Variants in ITFG1 observed in about 807,000 individuals in gnomAD.
The protein encoded by ITFG1 is integrin alpha FG-GAP repeat containing 1.
ITFG1 carries 34 observed loss-of-function variants against 81.8 expected under a neutral mutation model. The observed-to-expected ratio is 0.42, with a 90% confidence interval of 0.32 to 0.55. The LOEUF (loss-of-function observed/expected upper bound fraction) is 0.55, where lower values mean the gene tolerates loss of function less well. Ranked by LOEUF, ITFG1 falls within the 20% of genes least tolerant of loss-of-function variation. The pLI is 0.17. For synonymous variants in ITFG1, 285 were observed against 270.6 expected (o/e 1.05, Z -0.52); for missense variants, 672 against 755.4 (o/e 0.89, Z 1.29).
chr16:47,273,844 A>G (rs187542919), intron 10 of ITFG1, among the ~76,000 whole-genome samples: 4 of 152,238 alleles, frequency 2.6e-5, no homozygotes, highest in African/African-American at 9.6e-5. Context: ...TCTGTTGCCC[A>G]GGCTGGAGTG....
At chr16:47,255,831 G>A (rs995726906) in intron 12 of ITFG1, among the ~76,000 whole-genome samples, 37 of 152,180 alleles carry the variant, frequency 2.4e-4, no homozygotes, top group African/African-American at 8.4e-4. Flanking sequence ...CTAGATTTCA[G>A]AGTGCTTGCC....
chr16:47,337,823 C>G (rs1359060171), intron 8 of ITFG1, among the ~76,000 whole-genome samples: 1 of 152,230 alleles, frequency 6.6e-6, no homozygotes, highest in Non-Finnish European at 1.5e-5. Flanking sequence ...AGAAAGGGAC[C>G]TGAGAAGACC....
chr16:47,372,001 C>T (rs912134112), intron 7 of ITFG1, among the ~76,000 whole-genome samples: 1 of 151,430 alleles, frequency 6.6e-6, no homozygotes, highest in Non-Finnish European at 1.5e-5. Flanking sequence ...GCAAGCTCCA[C>T]CTCCCAGGTT....
rs996286962 is a variant in ITFG1, at chr16:47,320,963, GA to G, written c.803-7141del. On this transcript the variant is annotated intron_variant, in intron 8 of 17. Coordinates refer to ENST00000320640, the MANE Select transcript of ITFG1 (RefSeq NM_030790.5). The stretch of plus-strand genomic sequence containing the variant: ...TGACAAATGTTGCTCCATAGATGGT[GA>G]AAAAAAATTGTAAATGGAATGGCTA... 4.6e-5 allele frequency among the ~76,000 whole-genome samples: 7 copies of G among 151,936 alleles called. No individual in the cohort carries two copies. The East Asian group carries it at 7.7e-4, about 17-fold the overall frequency.
rs35365269 is a variant in ITFG1 at position 47,249,732 on chromosome 16, GT to G, written c.1330+8899del. On this transcript the variant is annotated intron_variant, in intron 12 of 17. Coordinates refer to ENST00000320640, the MANE Select transcript of ITFG1 (RefSeq NM_030790.5). ...AATGCTTAGGATTTTATCATTTCATGTTAAACCATACTGTATGTTACAGTCC... is the reference window on the plus strand; with the variant it reads ...AATGCTTAGGATTTTATCATTTCATGTAAACCATACTGTATGTTACAGTCC... Among the ~76,000 whole-genome samples the G allele has an allele frequency of 7.5e-3, 1,140 of 152,250 alleles. 19 individuals are homozygous for G. Among genetic ancestry groups the G allele is most frequent in the African/African-American group, 0.026 (1,081 of 41,536 alleles).
chr16:47,356,592 G>C (rs1968043074), intron 8 of ITFG1, among the ~76,000 whole-genome samples: 1 of 152,124 alleles, frequency 6.6e-6, no homozygotes, highest in South Asian at 2.1e-4. Flanking sequence ...AGTAGTAAAG[G>C]GCACTTTCAT....
chr16:47,315,775 A>ATATATATATATATATATATATATG lies in ITFG1; in HGVS notation c.803-1953_803-1952insCATATATATATATATATATATATA, dbSNP rs200525858. Among the ~76,000 whole-genome samples the ATATATATATATATATATATATATG allele has an allele frequency of 1.6e-3, 242 of 151,352 alleles. 3 individuals carry two copies. The highest frequency in any genetic ancestry group is 5.5e-3 in the African/African-American group (226 of 40,800). On this transcript the variant is annotated intron_variant, in intron 8 of 17. Coordinates refer to ENST00000320640, the MANE Select transcript of ITFG1 (RefSeq NM_030790.5). ...TTGTGCTATTCTAAATGCCATATAT[A>ATATATATATATATATATATATATG]TATACACATATATATAATTTATTAT... is the stretch of plus-strand genomic sequence containing the variant.
chr16:47,379,703 A>G (rs1407147597), intron 6 of ITFG1, among the ~76,000 whole-genome samples: 1 of 151,772 alleles, frequency 6.6e-6, no homozygotes, highest in Non-Finnish European at 1.5e-5. Context: ...AAAAAAAAAA[A>G]AGAGATTCTG....
intron 6 of ITFG1, among the ~76,000 whole-genome samples, chr16:47,399,250 C>T (rs1335547989): frequency 6.6e-6 from 1 of 152,216 alleles, no homozygotes; most frequent in Non-Finnish European, 1.5e-5. Flanking sequence ...AGGAGACACA[C>T]CTTTGTAGAC....
chr16:47,202,291 C>T (rs1305064153), intron 14 of ITFG1: 1 of 152,116 alleles, frequency 6.6e-6, no homozygotes, highest in Non-Finnish European at 1.5e-5. Context: ...ATTTAATACA[C>T]TCAAGTAGTT....
chr16:47,160,709 A>G (rs1964790322), intron 16 of ITFG1, among the ~76,000 whole-genome samples: 1 of 152,144 alleles, frequency 6.6e-6, no homozygotes, highest in South Asian at 2.1e-4. Context: ...TTACCATAAA[A>G]TGCATCTGCT....
chr16:47,448,338 T>A (rs1969347064), intron 5 of ITFG1: 1 of 152,216 alleles, frequency 6.6e-6, no homozygotes, highest in African/African-American at 2.4e-5. Context: ...TGCAGATTTA[T>A]TTCTTCTGGA....
At chr16:47,155,929 G>A (rs1174524313) in intron 17 of ITFG1, 151 bp from the exon 18 acceptor site, 2 of 504,120 alleles carry the variant, frequency 4.0e-6, no homozygotes, top group Non-Finnish European at 7.0e-6. Context: ...TAGTATTTTT[G>A]TAGTTTATAG....
intron 10 of ITFG1, among the ~76,000 whole-genome samples, chr16:47,269,927 C>T (rs12928230): frequency 0.22 from 33,273 of 152,038 alleles, 4,583 homozygotes; most frequent in Non-Finnish European, 0.32. Flanking sequence ...CAAAGATGGA[C>T]AATAGATCAT....
intron 10 of ITFG1, among the ~76,000 whole-genome samples, chr16:47,292,121 C>A (rs1341967087): frequency 1.3e-5 from 2 of 151,786 alleles, no homozygotes; most frequent in Non-Finnish European, 2.9e-5. Context: ...TCAAGAGATT[C>A]TCCTGCCTCA....
At chr16:47,308,071 A>G (rs1371157532) in intron 10 of ITFG1, among the ~76,000 whole-genome samples, 2 of 152,162 alleles carry the variant, frequency 1.3e-5, no homozygotes, top group Non-Finnish European at 2.9e-5. Flanking sequence ...CATTGATTCC[A>G]TATCTCTGCT....
At chr16:47,328,945 G>A (rs1308781151) in intron 8 of ITFG1, among the ~76,000 whole-genome samples, 1 of 152,122 alleles carries the variant, frequency 6.6e-6, no homozygotes, top group Non-Finnish European at 1.5e-5. Flanking sequence ...AGGCAAAGGT[G>A]GCTGCTAGTC....
At chr16:47,199,884 A>G (rs1965403641) in intron 14 of ITFG1, among the ~76,000 whole-genome samples, 1 of 152,182 alleles carries the variant, frequency 6.6e-6, no homozygotes, top group African/African-American at 2.4e-5. Context: ...TTAGATTCTC[A>G]TAAGGAGTGC....
chr16:47,253,506 A>G (rs911760189), intron 12 of ITFG1, among the ~76,000 whole-genome samples: 4 of 152,154 alleles, frequency 2.6e-5, no homozygotes, highest in Non-Finnish European at 5.9e-5. Flanking sequence ...GTATTCTGTT[A>G]TTATGATTAT....
Sources: allele counts gnomAD v4.1 joint callset (sites outside exome capture counted in the v4.1 genomes callset), GRCh38; gene constraint gnomAD v4.1.1; transcripts MANE v1.5; gene names NCBI Gene and HGNC (gene_info 2026-07-23, HGNC 2026-07-21).